The following NFKB1 variants were observed in gnomAD, a reference collection of about 807,000 sequenced individuals.
NFKB1 encodes nuclear factor kappa B subunit 1.
A neutral mutation model predicts 105.1 loss-of-function variants in NFKB1; 9 were observed. The observed-to-expected ratio is 0.09, with a 90% CI of 0.05 to 0.15. NFKB1 has a LOEUF of 0.15. Among genes scored for constraint, NFKB1 ranks in the 10% least tolerant of loss-of-function variants. The pLI is 1.00. For synonymous variants in NFKB1, 440 were observed against 442.2 expected, an observed-to-expected ratio of 1.00 and a Z score of 0.06; for missense variants, 830 against 1,203.7, an observed-to-expected ratio of 0.69 and a Z score of 4.59.
intron 1 of NFKB1, among the ~76,000 whole-genome samples, chr4:102,523,261 T>C (rs1339994417): frequency 6.6e-6 from 1 of 152,234 alleles, no homozygotes. Flanking sequence ...AATTGAGATT[T>C]GTTTAATTGT....
intron 14 of NFKB1, 62 bp from the exon 15 acceptor site, chr4:102,597,458 A>G (rs1726720142): frequency 6.6e-7 from 1 of 1,521,214 alleles, no homozygotes; most frequent in African/African-American, 1.4e-5. Context: ...GTCCTTAAGC[A>G]TGCCATACCC....
chr4:102,574,667 A>G (rs962983754), intron 6 of NFKB1, among the ~76,000 whole-genome samples: 14 of 151,896 alleles, frequency 9.2e-5, no homozygotes, highest in Non-Finnish European at 2.9e-5. Context: ...CACCTTATTT[A>G]TTTCCCTTTT....
chr4:102,570,885 T>A (rs1227261894), intron 6 of NFKB1, among the ~76,000 whole-genome samples: 2 of 152,090 alleles, frequency 1.3e-5, no homozygotes, highest in African/African-American at 2.4e-5. Context: ...GAAGAATCAA[T>A]ATCGTGAAAA....
At chr4:102,614,885 GC>G (rs1189360793) in intron 23 of NFKB1, among the ~76,000 whole-genome samples, 5 of 152,164 alleles carry the variant, frequency 3.3e-5, no homozygotes, top group Admixed American at 2.6e-4. Flanking sequence ...CAGAAGCGCT[GC>G]CATCTTCCAG....
At chr4:102,568,077 G>T (rs1180803707) in intron 6 of NFKB1, among the ~76,000 whole-genome samples, 1 of 152,168 alleles carries the variant, frequency 6.6e-6, no homozygotes, top group African/African-American at 2.4e-5. Flanking sequence ...TCACTCAAAA[G>T]AAAGGAATTG....
At chr4:102,509,637 A>G (rs1739647774) in intron 1 of NFKB1, among the ~76,000 whole-genome samples, 1 of 152,138 alleles carries the variant, frequency 6.6e-6, no homozygotes, top group African/African-American at 2.4e-5. Flanking sequence ...CTTTGCACAG[A>G]TTGGTATCCC....
chr4:102,612,040 A>G lies in NFKB1; in HGVS notation c.2353-4A>G. 2 of 1,613,028 alleles carry G rather than the reference A, an allele frequency of 1.2e-6. No individual in the cohort carries two copies. Among genetic ancestry groups the G allele is most frequent in the Non-Finnish European group, 1.7e-6 (2 of 1,179,056 alleles). On this transcript the variant is annotated splice_polypyrimidine_tract_variant and splice_region_variant and intron_variant, in intron 20 of 23. Transcript: ENST00000226574. ...ACGATTTCTGGTGTTTTTCTTTCCA[A>G]CAGGTATTTGACATATTAAATGGGA...
chr4:102,608,431 G>T (rs190385756), intron 19 of NFKB1, among the ~76,000 whole-genome samples: 2 of 152,148 alleles, frequency 1.3e-5, no homozygotes, highest in African/African-American at 4.8e-5. Context: ...ATCACACTTC[G>T]GCAGTGTGAA....
rs1228484640 is a variant in NFKB1, at chr4:102,607,779, T to C, written c.2227+28T>C. 2.5e-6 allele frequency: 4 copies of C among 1,603,088 alleles called. No homozygotes were observed. In the Admixed American group the frequency reaches 6.7e-5, roughly 27 times the overall value. On this transcript the variant is annotated intron_variant, in intron 19 of 23. Transcript: ENST00000226574. ...AAGATGGTGATCTGGCGGTCATTAA[T>C]GAAAAATGTTACCAGGAATGCAAAC...
chr4:102,523,055 T>C (rs1463743837), intron 1 of NFKB1, among the ~76,000 whole-genome samples: 1 of 152,214 alleles, frequency 6.6e-6, no homozygotes, highest in Non-Finnish European at 1.5e-5. Flanking sequence ...CATATTCTAA[T>C]CTCAACAAGG....
intron 5 of NFKB1, among the ~76,000 whole-genome samples, chr4:102,566,700 C>A (rs1332055775): frequency 6.6e-6 from 1 of 152,112 alleles, no homozygotes; most frequent in Non-Finnish European, 1.5e-5. Flanking sequence ...ACACAGCATC[C>A]TCTAAGATGT....
At chr4:102,511,798 G>A (rs1313834519) in intron 1 of NFKB1, among the ~76,000 whole-genome samples, 3 of 152,222 alleles carry the variant, frequency 2.0e-5, no homozygotes, top group African/African-American at 7.2e-5. Context: ...TTTATCTCAA[G>A]GTGAACACGT....
Position 102,529,820 on chromosome 4 carries a change from A to C in NFKB1, c.40-16A>C. On this transcript the variant is annotated splice_polypyrimidine_tract_variant and intron_variant, in intron 2 of 23. Coordinates refer to ENST00000226574, the MANE Select transcript of NFKB1 (RefSeq NM_003998.4). ...GAAAAATAATGATTGAAACATTTAA[A>C]TGTTCTTCTTTACAGATGTTTCATT... 1.9e-6 allele frequency: 3 copies of C among 1,543,274 alleles called. No individual in the cohort carries two copies. The highest frequency in any genetic ancestry group is 2.7e-6 in the Non-Finnish European group (3 of 1,124,410).
intron 7 of NFKB1, among the ~76,000 whole-genome samples, chr4:102,577,493 G>A (rs1029203153): frequency 1.3e-5 from 2 of 152,042 alleles, no homozygotes; most frequent in Non-Finnish European, 2.9e-5. Context: ...TTTGGGCTCT[G>A]CAGACACATT....
intron 10 of NFKB1, 53 bp from the exon 11 acceptor site, chr4:102,584,627 CAA>C (rs10711129): frequency 0.035 from 44,675 of 1,280,564 alleles, no homozygotes; most frequent in Admixed American, 0.058. Flanking sequence ...AGCATTACTG[CAA>C]AAAAAAAAAA....
intron 5 of NFKB1, among the ~76,000 whole-genome samples, chr4:102,563,068 G>A (rs1349234008): frequency 6.6e-6 from 1 of 152,156 alleles, no homozygotes; most frequent in African/African-American, 2.4e-5. Context: ...ACTACATCCT[G>A]TAACCACCTT....
intron 16 of NFKB1, among the ~76,000 whole-genome samples, chr4:102,605,478 G>A (rs1234134759): frequency 1.3e-5 from 2 of 152,194 alleles, no homozygotes; most frequent in African/African-American, 4.8e-5. Flanking sequence ...AGACTGGCTG[G>A]ATGTCATAGT....
At position 102,596,311 on chromosome 4, in the gene NFKB1, G is replaced by A. The variant is rs1726609372; in HGVS notation, c.1474G>A (p.Glu492Lys). 1 of 1,609,864 alleles carries A rather than the reference G, an allele frequency of 6.2e-7. No individual in the cohort carries two copies. The highest frequency in any genetic ancestry group is 1.1e-5 in the South Asian group (1 of 90,648). ...TCTAACGTATGCAACAGGAACAAAA[G>A]AAGAGAGTGCTGGAGTTCAGGGTAA... Reference protein sequence around the residue: ...VTLTYATGTKEESAGVQDNLF... With the variant: ...VTLTYATGTKKESAGVQDNLF... Residue 492 changes from glutamate (E) to lysine (K), a missense_variant, in exon 14 of 24, where the codon GAA (glutamate) becomes AAA (lysine). Glu to Lys is a moderately conservative substitution (Grantham distance 56). Transcript: ENST00000226574.
chr4:102,538,668 A>G (rs767479462), intron 5 of NFKB1, among the ~76,000 whole-genome samples: 1 of 152,188 alleles, frequency 6.6e-6, no homozygotes, highest in Non-Finnish European at 1.5e-5. Flanking sequence ...TTAAGTTAAT[A>G]TGAGACTTTT....
Sources: gnomAD v4.1 joint callset for allele counts (sites outside exome capture counted in the v4.1 genomes callset) on GRCh38, gnomAD v4.1.1 for gene constraint, MANE v1.5 for transcripts, NCBI Gene and HGNC (gene_info 2026-07-23, HGNC 2026-07-21) for gene names.